Variants in TTC33 observed in about 807,000 individuals in gnomAD.
The protein encoded by TTC33 is tetratricopeptide repeat protein 33.
A neutral mutation model predicts 29.4 loss-of-function variants in TTC33; 24 were observed. The observed-to-expected ratio is 0.82, with a 90% CI of 0.59 to 1.15. The LOEUF is 1.15. Among genes scored for constraint, TTC33 ranks in the 50% most tolerant of loss-of-function variants. The pLI, the probability that TTC33 is intolerant of heterozygous loss-of-function variation, is 0.00. For synonymous variants in TTC33, 107 were observed against 100.3 expected, an observed-to-expected ratio of 1.07 and a Z score of -0.40; for missense variants, 286 against 310.4, an observed-to-expected ratio of 0.92 and a Z score of 0.59.
chr5:40,738,799 T>C (rs1742629879), intron 2 of TTC33, among the ~76,000 whole-genome samples: 1 of 152,132 alleles, frequency 6.6e-6, no homozygotes, highest in Non-Finnish European at 1.5e-5. Flanking sequence ...TGATGACTAA[T>C]AGTGTTGAGC....
At chr5:40,720,447 A>T (rs1742100702) in intron 4 of TTC33, among the ~76,000 whole-genome samples, 1 of 152,198 alleles carries the variant, frequency 6.6e-6, no homozygotes, top group Non-Finnish European at 1.5e-5. Context: ...TTGATTACTA[A>T]TGCTTTCATA....
chr5:40,722,557 G>C (rs190879058), intron 4 of TTC33, among the ~76,000 whole-genome samples: 2,606 of 142,902 alleles, frequency 0.018, 76 homozygotes, highest in African/African-American at 0.065. Flanking sequence ...GCCTGGCCGC[G>C]ACCCCGTCTG....
intron 1 of TTC33, among the ~76,000 whole-genome samples, chr5:40,747,962 A>C (rs1180245729): frequency 6.6e-6 from 1 of 151,454 alleles, no homozygotes; most frequent in Non-Finnish European, 1.5e-5. Context: ...AGTAGCTGGG[A>C]TTATAGGCAG....
At chr5:40,738,459 C>T (rs974196139) in intron 2 of TTC33, among the ~76,000 whole-genome samples, 3 of 99,646 alleles carry the variant, frequency 3.0e-5, no homozygotes, top group African/African-American at 1.1e-4. Flanking sequence ...CAATACAATA[C>T]AATACAATAC....
chr5:40,737,263 C>T (rs1561150518), intron 2 of TTC33, among the ~76,000 whole-genome samples: 1 of 151,796 alleles, frequency 6.6e-6, no homozygotes, highest in East Asian at 1.9e-4. Flanking sequence ...TGCTACTGCA[C>T]TCCAGCCGCC....
chr5:40,748,466 G>C (rs923400563), intron 1 of TTC33, among the ~76,000 whole-genome samples: 10 of 152,182 alleles, frequency 6.6e-5, no homozygotes, highest in African/African-American at 2.4e-4. Context: ...AAATTGCTGG[G>C]ATTACAGGCG....
At chr5:40,730,210 A>C in intron 3 of TTC33, 52 bp downstream of exon 3, 1 of 1,439,166 alleles carries the variant, frequency 6.9e-7, no homozygotes, top group East Asian at 2.3e-5. Flanking sequence ...TCACTCACCG[A>C]ACAAACATAG....
chr5:40,728,246 T>C (rs1167517799), intron 4 of TTC33, 99 bp downstream of exon 4: 3 of 964,266 alleles, frequency 3.1e-6, no homozygotes, highest in Non-Finnish European at 4.2e-6. Context: ...ATTGCACCAC[T>C]GCACTGTACC....
chr5:40,717,137 G>A (rs1274173024), intron 4 of TTC33, among the ~76,000 whole-genome samples: 3 of 149,416 alleles, frequency 2.0e-5, no homozygotes, highest in Non-Finnish European at 4.4e-5. Context: ...GGTGAGGCAG[G>A]AGAATCGCTT....
At position 40,711,975 on chromosome 5, in the gene TTC33, A is replaced by G. The variant is rs142278999; in HGVS notation, c.*4170T>C. Among the ~76,000 whole-genome samples the G allele has an allele frequency of 3.3e-5, 5 of 152,262 alleles. No homozygotes were observed. In the East Asian group the frequency reaches 7.7e-4, roughly 23 times the overall value. ...ACTTTTTGGGTGATGGACACACACTATATCAGGATGGTAGTGGTGGTGAAG... is the reference window on the plus strand; with the variant it reads ...ACTTTTTGGGTGATGGACACACACTGTATCAGGATGGTAGTGGTGGTGAAG... On this transcript the variant is annotated 3_prime_UTR_variant, in exon 5 of 5. Transcript: ENST00000337702.
At chr5:40,738,325 G>A (rs1461244071) in intron 2 of TTC33, among the ~76,000 whole-genome samples, 1 of 151,832 alleles carries the variant, frequency 6.6e-6, no homozygotes, top group East Asian at 1.9e-4. Flanking sequence ...TGAGGCAGGA[G>A]AATTGCTTGA....
intron 2 of TTC33, among the ~76,000 whole-genome samples, chr5:40,730,685 T>A (rs1421545790): frequency 6.6e-6 from 1 of 152,180 alleles, no homozygotes; most frequent in East Asian, 1.9e-4. Flanking sequence ...TCAACAGTTT[T>A]TTGGACTACT....
At position 40,714,717 on chromosome 5, in the gene TTC33, C is replaced by T. The variant is rs1029884137; in HGVS notation, c.*1428G>A. 2 of 152,158 alleles carry T rather than the reference C, an allele frequency of 1.3e-5. No individual in the cohort carries two copies. Among genetic ancestry groups the T allele is most frequent in the African/African-American group, 2.4e-5 (1 of 41,412 alleles). 9.4% of individuals were successfully genotyped at this position (152,158 alleles called of 1,614,324 possible). A position where few individuals can be genotyped will look rare whatever the true frequency, so the allele number is the denominator to read the frequency against. On this transcript the variant is annotated 3_prime_UTR_variant, in exon 5 of 5. Coordinates refer to ENST00000337702, the MANE Select transcript of TTC33 (RefSeq NM_012382.3). ...AAGAATATTCTTTTCAAGGCAAGTG[C>T]TAATTTCTCCAACCCTGAAAAGAGA...
In TTC33 at chr5:40,729,200, C is replaced by T. The variant is rs553155423; in HGVS notation, c.304-724G>A. On this transcript the variant is annotated intron_variant, in intron 3 of 4. Transcript: ENST00000337702. ...CATATTTAAGATTGAAAAAGGAATA[C>T]AAATGAAGGTCCTCATATCACTTGA... 2.6e-5 allele frequency among the ~76,000 whole-genome samples: 4 copies of T among 152,292 alleles called. No homozygotes were observed. In the East Asian group the frequency reaches 7.7e-4, roughly 29 times the overall value.
chr5:40,733,882 G>A (rs1203207468), intron 2 of TTC33, among the ~76,000 whole-genome samples: 1 of 152,158 alleles, frequency 6.6e-6, no homozygotes, highest in Non-Finnish European at 1.5e-5. Context: ...AGGTATGCAT[G>A]TGTGCATATA....
intron 2 of TTC33, among the ~76,000 whole-genome samples, chr5:40,744,213 T>C (rs1329007921): frequency 1.3e-5 from 2 of 152,202 alleles, no homozygotes; most frequent in African/African-American, 4.8e-5. Flanking sequence ...ATAAAAATCT[T>C]TATGCCTAAA....
intron 1 of TTC33, among the ~76,000 whole-genome samples, chr5:40,754,478 C>G (rs952152132): frequency 6.6e-6 from 1 of 151,854 alleles, no homozygotes; most frequent in Non-Finnish European, 1.5e-5. Context: ...GATCTGAGTT[C>G]TTGAGAAAAA....
chr5:40,746,381 C>T (rs1054344910), intron 2 of TTC33, among the ~76,000 whole-genome samples: 1 of 152,022 alleles, frequency 6.6e-6, no homozygotes, highest in African/African-American at 2.4e-5. Context: ...AACTAAATAC[C>T]TATTTTTTTT....
intron 1 of TTC33, among the ~76,000 whole-genome samples, 193 bp from the exon 2 acceptor site, chr5:40,747,212 C>T (rs558549466): frequency 1.3e-5 from 2 of 152,128 alleles, no homozygotes; most frequent in Admixed American, 1.3e-4. Context: ...CATGCACCAC[C>T]CACACCGGCT....
Sources: gnomAD v4.1 joint callset for allele counts (sites outside exome capture counted in the v4.1 genomes callset) on GRCh38, gnomAD v4.1.1 for gene constraint, MANE v1.5 for transcripts, NCBI Gene and HGNC (gene_info 2026-07-23, HGNC 2026-07-21) for gene names.